DMXL1: variants seen among roughly 807,000 people sequenced by gnomAD.
The protein encoded by DMXL1 is Dmx like 1.
DMXL1 carries 99 observed loss-of-function variants against 319.2 expected under a neutral mutation model. That is an observed-to-expected ratio of 0.31 (90% CI 0.26 to 0.37). The LOEUF is 0.37. DMXL1 is among the 10% of genes least tolerant of loss of function. The pLI is 1.00. For synonymous variants in DMXL1, 1,385 were observed against 1,235.2 expected (o/e 1.12, Z -2.54); for missense variants, 3,745 against 3,595.6 (o/e 1.04, Z -1.06).
intron 1 of DMXL1, among the ~76,000 whole-genome samples, chr5:119,077,087 C>T (rs1751042443): frequency 6.6e-6 from 1 of 151,662 alleles, no homozygotes; most frequent in Non-Finnish European, 1.5e-5. Flanking sequence ...AACTCCTGGC[C>T]TCAAGTGATC....
chr5:119,220,824 A>T (rs981399602), intron 36 of DMXL1, 116 bp from the exon 37 acceptor site: 40 of 1,296,864 alleles, frequency 3.1e-5, no homozygotes, highest in Non-Finnish European at 4.2e-5. Context: ...AGTTACAAAT[A>T]AGAGCTGAAG....
chr5:119,114,211 T>C (rs1022201432), intron 5 of DMXL1, among the ~76,000 whole-genome samples: 23 of 152,202 alleles, frequency 1.5e-4, no homozygotes, highest in African/African-American at 5.5e-4. Flanking sequence ...TCTCTCTCAT[T>C]CTAAGGGAAT....
chr5:119,192,264 A>C (rs1189607794), intron 29 of DMXL1, among the ~76,000 whole-genome samples: 1 of 152,182 alleles, frequency 6.6e-6, no homozygotes, highest in Non-Finnish European at 1.5e-5. Context: ...AAGTCCTTCT[A>C]TCAGACACCT....
chr5:119,078,781 T>C (rs1407784783), intron 1 of DMXL1, among the ~76,000 whole-genome samples: 2 of 152,212 alleles, frequency 1.3e-5, no homozygotes, highest in Non-Finnish European at 2.9e-5. Context: ...GGAGTTCCTA[T>C]CATGCCTGTG....
intron 10 of DMXL1, among the ~76,000 whole-genome samples, chr5:119,131,956 A>C (rs902692073): frequency 6.6e-6 from 1 of 152,246 alleles, no homozygotes; most frequent in African/African-American, 2.4e-5. Flanking sequence ...AGGCAAAGAG[A>C]TAAAACATAA....
intron 3 of DMXL1, chr5:119,102,213 T>A (rs1211371389): frequency 1.3e-5 from 5 of 375,818 alleles, no homozygotes; most frequent in Non-Finnish European, 2.4e-5. Context: ...ATTGTTGAAA[T>A]GCTTTATTAT....
intron 33 of DMXL1, among the ~76,000 whole-genome samples, chr5:119,204,693 G>A (rs149836004): frequency 6.6e-6 from 1 of 151,860 alleles, no homozygotes; most frequent in African/African-American, 2.4e-5. Context: ...ATGCAGTGAT[G>A]TAGTCAATTC....
rs551664333 is a variant in DMXL1, at chr5:119,152,040, A to G, written c.4702+4A>G. ...CGAGCTCAACTCCTTCACCAAGGTG[A>G]TTTTGATAGTAATCTATTAAAGGGA... is the stretch of plus-strand genomic sequence containing the variant. On this transcript the variant is annotated splice_donor_region_variant and intron_variant, in intron 19 of 43. Coordinates refer to ENST00000539542, the MANE Select transcript of DMXL1 (RefSeq NM_001290321.3). 6.3e-7 allele frequency: 1 copy of G among 1,588,932 alleles called. No individual in the cohort carries two copies. The highest frequency in any genetic ancestry group is 1.7e-5 in the Admixed American group (1 of 59,566).
In DMXL1 at chr5:119,145,299, A is replaced by G. The variant is rs906039226; in HGVS notation, c.2569+661A>G. On this transcript the variant is annotated intron_variant, in intron 15 of 43. Transcript: ENST00000539542. ...AGACTTTTTTCTTCTCTTTTACATC[A>G]TGTCTTTCTGCCACCTTTTCCATTT... is the stretch of plus-strand genomic sequence containing the variant. Among the ~76,000 whole-genome samples, 6 of 151,828 alleles carry G rather than the reference A, an allele frequency of 4.0e-5. No homozygotes were observed. The East Asian group carries it at 1.2e-3, about 29-fold the overall frequency.
chr5:119,116,360 C>A, intron 7 of DMXL1, 24 bp downstream of exon 7: 1 of 1,604,512 alleles, frequency 6.2e-7, no homozygotes, highest in Non-Finnish European at 8.5e-7. Context: ...TCATTTCCCT[C>A]CACATATTAA....
intron 28 of DMXL1, among the ~76,000 whole-genome samples, chr5:119,183,474 CCTTTT>C (rs1777134488): frequency 6.6e-6 from 1 of 152,168 alleles, no homozygotes; most frequent in South Asian, 2.1e-4. Flanking sequence ...GGAATACTTT[CCTTTT>C]CTTTTCTTTG....
In DMXL1 at chr5:119,202,904, TA is replaced by T. The variant is rs1289300833; in HGVS notation, c.7746-414del. Among the ~76,000 whole-genome samples, 387 of 144,732 alleles carry T rather than the reference TA, an allele frequency of 2.7e-3. 1 individual carries two copies. Among genetic ancestry groups the T allele is most frequent in the African/African-American group, 9.5e-3 (377 of 39,604 alleles). The allele number at this position is 144,732 out of a possible 152,430, so 94.9% of individuals were successfully genotyped here. ...ATATTTTTATATATATATATATATA[TA>T]TTTATATATTTTTATATATATATAA... On this transcript the variant is annotated intron_variant, in intron 32 of 43. Transcript: ENST00000539542.
intron 10 of DMXL1, among the ~76,000 whole-genome samples, chr5:119,130,236 A>T (rs962943904): frequency 2.0e-5 from 3 of 152,090 alleles, no homozygotes; most frequent in Non-Finnish European, 2.9e-5. Context: ...TTCCAGTTTG[A>T]TTCTTTGCTT....
chr5:119,209,348 A>ATTTTT (rs34115254), intron 34 of DMXL1, among the ~76,000 whole-genome samples: 1 of 137,246 alleles, frequency 7.3e-6, no homozygotes, highest in Non-Finnish European at 1.6e-5. Flanking sequence ...ATCCCATTCT[A>ATTTTT]TTTTTTTTTT....
chr5:119,186,185 A>G (rs1777680599), intron 28 of DMXL1, among the ~76,000 whole-genome samples: 1 of 152,232 alleles, frequency 6.6e-6, no homozygotes, highest in South Asian at 2.1e-4. Flanking sequence ...ACTCTGGCAC[A>G]CTCATGAATA....
chr5:119,185,600 T>G (rs1777575266), intron 28 of DMXL1, among the ~76,000 whole-genome samples: 2 of 152,138 alleles, frequency 1.3e-5, no homozygotes, highest in Non-Finnish European at 1.5e-5. Flanking sequence ...CCTCCCAGGT[T>G]CAGGTGATTC....
chr5:119,155,234 A>G (rs749941164), intron 19 of DMXL1, among the ~76,000 whole-genome samples: 1 of 152,246 alleles, frequency 6.6e-6, no homozygotes, highest in African/African-American at 2.4e-5. Context: ...CATTTAAGAA[A>G]TACATTTCAT....
At chr5:119,176,025 A>G (rs376412571) in intron 26 of DMXL1, among the ~76,000 whole-genome samples, 1 of 151,900 alleles carries the variant, frequency 6.6e-6, no homozygotes, top group Non-Finnish European at 1.5e-5. Flanking sequence ...TTCCCCTCCT[A>G]TATTCCATTT....
intron 19 of DMXL1, among the ~76,000 whole-genome samples, chr5:119,163,684 G>C (rs1463248943): frequency 1.3e-5 from 2 of 152,232 alleles, no homozygotes; most frequent in African/African-American, 4.8e-5. Context: ...TGCCTCCTGG[G>C]TTCACGCCAT....
Sources: gnomAD v4.1 joint callset for allele counts (sites outside exome capture counted in the v4.1 genomes callset) on GRCh38, gnomAD v4.1.1 for gene constraint, MANE v1.5 for transcripts, NCBI Gene and HGNC (gene_info 2026-07-23, HGNC 2026-07-21) for gene names.